The following MCTP2 variants were observed in gnomAD, a reference collection of about 807,000 sequenced individuals.
MCTP2 encodes multiple C2 and transmembrane domain containing 2.
Under a neutral mutation model 111.6 loss-of-function variants are expected in MCTP2, and 132 were observed. The ratio of observed to expected loss-of-function variants is 1.18; its 90% confidence interval spans 1.03 to 1.37. The LOEUF (loss-of-function observed/expected upper bound fraction) is 1.37, where lower values mean the gene tolerates loss of function less well. Ranked by LOEUF, MCTP2 falls within the 40% of genes most tolerant of loss-of-function variation. The pLI is 0.00. For missense variants in MCTP2, 1,183 were observed against 1,067.9 expected (o/e 1.11, Z -1.50); for synonymous variants, 395 against 387.7 (o/e 1.02, Z -0.22).
chr15:94,366,596 G>C (rs999758088), intron 10 of MCTP2, among the ~76,000 whole-genome samples: 1 of 152,156 alleles, frequency 6.6e-6, no homozygotes, highest in African/African-American at 2.4e-5. Flanking sequence ...TCCATTGACA[G>C]CTTAGGGTAA....
chr15:94,285,890 T>C (rs1300626427), intron 1 of MCTP2, among the ~76,000 whole-genome samples: 1 of 152,176 alleles, frequency 6.6e-6, no homozygotes, highest in East Asian at 1.9e-4. Flanking sequence ...TCCAAGAACA[T>C]GGATGGTGGG....
intron 1 of MCTP2, among the ~76,000 whole-genome samples, chr15:94,244,126 A>ATACACG (rs1567256823): frequency 2.8e-5 from 4 of 140,452 alleles, no homozygotes; most frequent in African/African-American, 1.1e-4. Flanking sequence ...TTATATACAC[A>ATACACG]TGTATACACA....
intron 2 of MCTP2, among the ~76,000 whole-genome samples, chr15:94,313,298 C>G (rs1402508550): frequency 6.6e-6 from 1 of 152,172 alleles, no homozygotes; most frequent in Non-Finnish European, 1.5e-5. Flanking sequence ...TCCTTTGTGC[C>G]TATAAAAGCT....
intron 10 of MCTP2, among the ~76,000 whole-genome samples, chr15:94,364,305 A>T (rs1034859318): frequency 2.6e-5 from 4 of 152,138 alleles, no homozygotes; most frequent in African/African-American, 9.7e-5. Context: ...AAAATATTTA[A>T]TTATTAGCCC....
intron 4 of MCTP2, among the ~76,000 whole-genome samples, chr15:94,332,405 G>A (rs985862353): frequency 7.2e-5 from 11 of 152,150 alleles, no homozygotes; most frequent in African/African-American, 2.7e-4. Context: ...AAATGTATGT[G>A]TGTAAATAGA....
intron 4 of MCTP2, among the ~76,000 whole-genome samples, chr15:94,339,087 A>G (rs2077506360): frequency 6.6e-6 from 1 of 152,132 alleles, no homozygotes; most frequent in South Asian, 2.1e-4. Flanking sequence ...CAAAGAGCCC[A>G]TTTATATTCT....
chr15:94,291,958 CTT>C (rs1323052814), intron 1 of MCTP2, among the ~76,000 whole-genome samples: 1 of 152,146 alleles, frequency 6.6e-6, no homozygotes, highest in African/African-American at 2.4e-5. Flanking sequence ...TTCAATGAAA[CTT>C]TATGTATAAA....
intron 11 of MCTP2, 119 bp downstream of exon 11, chr15:94,367,910 A>G (rs2079284214): frequency 2.3e-6 from 2 of 880,718 alleles, no homozygotes; most frequent in Admixed American, 7.3e-5. Context: ...CTTTGTCCCA[A>G]GTTTCCTTGT....
chr15:94,325,679 G>A (rs1391545689), intron 4 of MCTP2, among the ~76,000 whole-genome samples: 1 of 152,200 alleles, frequency 6.6e-6, no homozygotes, highest in Admixed American at 6.5e-5. Context: ...AGACTCTGTC[G>A]TGGATTGAGG....
At chr15:94,314,855 T>C in intron 3 of MCTP2, 3 of 445,290 alleles carry the variant, frequency 6.7e-6, no homozygotes, top group Admixed American at 2.4e-5. Context: ...AGTGACTGAG[T>C]TGCGGGAAGG....
chr15:94,464,239 A>G (rs796898401), intron 20 of MCTP2, among the ~76,000 whole-genome samples: 1 of 89,364 alleles, frequency 1.1e-5, no homozygotes, highest in Non-Finnish European at 2.3e-5. Context: ...TTATATATAT[A>G]ATATATATAT....
chr15:94,259,361 C>T (rs2073043058), intron 1 of MCTP2, among the ~76,000 whole-genome samples: 1 of 152,128 alleles, frequency 6.6e-6, no homozygotes, highest in Admixed American at 6.5e-5. Context: ...TGATGTTCTC[C>T]TCCTATTTCT....
At chr15:94,436,413 G>T (rs1438863438) in intron 17 of MCTP2, among the ~76,000 whole-genome samples, 1 of 152,110 alleles carries the variant, frequency 6.6e-6, no homozygotes, top group Non-Finnish European at 1.5e-5. Flanking sequence ...TTCCTTGAAA[G>T]ATGTTTGTTA....
chr15:94,305,299 T>G (rs545497684), intron 2 of MCTP2, among the ~76,000 whole-genome samples: 37 of 152,292 alleles, frequency 2.4e-4, no homozygotes, highest in African/African-American at 8.4e-4. Flanking sequence ...TTCTGTTGTT[T>G]AAGCCACCTA....
chr15:94,279,177 A>G (rs1369053664), intron 1 of MCTP2, among the ~76,000 whole-genome samples: 2 of 152,308 alleles, frequency 1.3e-5, no homozygotes, highest in African/African-American at 2.4e-5. Context: ...GTTAATAGGA[A>G]TAGCATTGAA....
intron 21 of MCTP2, among the ~76,000 whole-genome samples, chr15:94,472,907 T>C (rs964936900): frequency 5.9e-5 from 9 of 152,216 alleles, no homozygotes; most frequent in Non-Finnish European, 1.2e-4. Context: ...TTGCAGCAAT[T>C]TTTTTCTCAC....
chr15:94,282,913 C>A (rs1019469641), intron 1 of MCTP2, among the ~76,000 whole-genome samples: 1 of 152,072 alleles, frequency 6.6e-6, no homozygotes. Flanking sequence ...ACCTGCTGTG[C>A]TGGAGGAGCT....
rs1377309154 is a variant in MCTP2 at position 94,444,123 on chromosome 15, A to G, written c.2250+1163A>G. ...GGGGTTCCCACAACCCCTTTCTTGG[A>G]TTCAACAAATTTCTAGAACGGCTCA... On this transcript the variant is annotated intron_variant, in intron 19 of 22. Coordinates refer to ENST00000357742, the MANE Select transcript of MCTP2 (RefSeq NM_001385001.1). 2.0e-5 allele frequency among the ~76,000 whole-genome samples: 3 copies of G among 151,714 alleles called. No individual in the cohort carries two copies. In the East Asian group the frequency reaches 5.8e-4, roughly 29 times the overall value.
At chr15:94,431,652 T>A (rs1294715071) in intron 17 of MCTP2, among the ~76,000 whole-genome samples, 1 of 152,200 alleles carries the variant, frequency 6.6e-6, no homozygotes, top group Admixed American at 6.5e-5. Flanking sequence ...TAGAAATGAA[T>A]GTATACCTGG....
Sources: allele counts gnomAD v4.1 joint callset (sites outside exome capture counted in the v4.1 genomes callset), GRCh38; gene constraint gnomAD v4.1.1; transcripts MANE v1.5; gene names NCBI Gene and HGNC (gene_info 2026-07-23, HGNC 2026-07-21).